Variants in ESYT2 observed in about 807,000 individuals in gnomAD.
The protein encoded by ESYT2 is extended synaptotagmin 2, also known as extended synaptotagmin-2.
ESYT2 carries 54 observed loss-of-function variants against 107.2 expected under a neutral mutation model. The ratio of observed to expected loss-of-function variants is 0.50; its 90% CI spans 0.40 to 0.63. The LOEUF (loss-of-function observed/expected upper bound fraction) is 0.63. ESYT2 is among the 30% of genes least tolerant of loss of function. ESYT2 has a pLI of 0.00. For synonymous variants in ESYT2, 491 were observed against 434.1 expected, an observed-to-expected ratio of 1.13 and a Z score of -1.63; for missense variants, 1,020 against 1,094.5, an observed-to-expected ratio of 0.93 and a Z score of 0.96.
chr7:158,774,318 A>T (rs1838475246), intron 6 of ESYT2, among the ~76,000 whole-genome samples: 1 of 152,254 alleles, frequency 6.6e-6, no homozygotes, highest in Non-Finnish European at 1.5e-5. Context: ...AACAATTTTT[A>T]AGATCCTGAA....
chr7:158,781,203 GAAC>G (rs1838779861), intron 6 of ESYT2, among the ~76,000 whole-genome samples: 1 of 152,106 alleles, frequency 6.6e-6, no homozygotes, highest in Admixed American at 6.5e-5. Flanking sequence ...AAGTATGAGT[GAAC>G]AAGTGTGAGA....
At chr7:158,782,964 C>A (rs989306516) in intron 6 of ESYT2, among the ~76,000 whole-genome samples, 1 of 152,190 alleles carries the variant, frequency 6.6e-6, no homozygotes, top group South Asian at 2.1e-4. Flanking sequence ...ACCAGCAGGG[C>A]CCGATAAAGG....
At chr7:158,749,426 T>C (rs1227122831) in intron 15 of ESYT2, among the ~76,000 whole-genome samples, 1 of 152,120 alleles carries the variant, frequency 6.6e-6, no homozygotes, top group Non-Finnish European at 1.5e-5. Flanking sequence ...GCCACTGAAG[T>C]CATTTTAAAA....
intron 20 of ESYT2, 55 bp from the exon 21 acceptor site, chr7:158,735,663 T>C (rs1464822154): frequency 3.4e-6 from 5 of 1,466,950 alleles, no homozygotes; most frequent in Non-Finnish European, 4.8e-6. Context: ...TATTTTCTTA[T>C]AACTAAAAAT....
chr7:158,821,881 T>G (rs1443496856), intron 1 of ESYT2, among the ~76,000 whole-genome samples: 1 of 150,660 alleles, frequency 6.6e-6, no homozygotes, highest in East Asian at 1.9e-4. Context: ...TCAATAAGAG[T>G]AGAATCTCTT....
chr7:158,769,263 G>A (rs1229368313), intron 7 of ESYT2, among the ~76,000 whole-genome samples: 1 of 152,218 alleles, frequency 6.6e-6, no homozygotes, highest in Non-Finnish European at 1.5e-5. Flanking sequence ...GAACAGGTCA[G>A]TTATTCAGAC....
In ESYT2 at chr7:158,765,840, C is replaced by T. The variant is rs184416096; in HGVS notation, c.925-987G>A. The stretch of plus-strand genomic sequence containing the variant: ...AAATTCACTCTTATTTCTTCCAAGG[C>T]AAACAAAGATGCTCAAGTCACCTTT... On this transcript the variant is annotated intron_variant, in intron 8 of 22. Coordinates refer to ENST00000275418, the MANE Select transcript of ESYT2 (RefSeq NM_001367773.1). 3.0e-3 allele frequency among the ~76,000 whole-genome samples: 457 copies of T among 152,134 alleles called. 6 individuals are homozygous for T. Among genetic ancestry groups the T allele is most frequent in the African/African-American group, 0.011 (436 of 41,514 alleles).
At chr7:158,748,497 T>C (rs1003231581) in intron 15 of ESYT2, among the ~76,000 whole-genome samples, 5 of 152,166 alleles carry the variant, frequency 3.3e-5, no homozygotes, top group African/African-American at 1.2e-4. Context: ...AACGAGACGG[T>C]CTAAAGCCTT....
chr7:158,828,934 C>T lies in ESYT2; in HGVS notation c.330+155G>A, dbSNP rs1169082781. Among the ~76,000 whole-genome samples the T allele has an allele frequency of 5.0e-5, 5 of 99,150 alleles. No homozygotes were observed. In the Admixed American group the frequency reaches 6.0e-4, roughly 12 times the overall value. 65.0% of individuals were successfully genotyped at this position (99,150 alleles called of 152,430 possible). A position where few individuals can be genotyped will look rare whatever the true frequency, so the allele number is the denominator to read the frequency against. ...GCGGAAGGGAAGCGCCTGCCTGGAC[C>T]GGGGTGGGTGGGGGACTACGAAGGC... On this transcript the variant is annotated intron_variant, in intron 1 of 22. Transcript: ENST00000275418.
chr7:158,738,184 C>T (rs188536417), intron 19 of ESYT2, among the ~76,000 whole-genome samples: 25 of 152,020 alleles, frequency 1.6e-4, no homozygotes, highest in Admixed American at 1.4e-3. Context: ...AGGTAGTGCA[C>T]GCCTGTAATC....
chr7:158,820,206 A>G (rs866984268), intron 1 of ESYT2, among the ~76,000 whole-genome samples: 4 of 152,318 alleles, frequency 2.6e-5, no homozygotes, highest in African/African-American at 7.2e-5. Flanking sequence ...TATTTTTACT[A>G]AAAGAATGGG....
chr7:158,800,711 CTTTTTCT>C lies in ESYT2; in HGVS notation c.331-1646_331-1640del, dbSNP rs1450076319. ...AGTCCACTTTTTTTTAAATAGGTTTCTTTTTCTTTTTTCTTTTCTTTTCTTTTTTTTT... is the reference window on the plus strand; with the variant it reads ...AGTCCACTTTTTTTTAAATAGGTTTCTTTTTCTTTTCTTTTCTTTTTTTTT... On this transcript the variant is annotated intron_variant, in intron 1 of 22. Transcript: ENST00000275418. Among the ~76,000 whole-genome samples, 49 of 150,372 alleles carry C rather than the reference CTTTTTCT, an allele frequency of 3.3e-4. No homozygotes were observed. In the East Asian group the frequency reaches 7.7e-3, roughly 24 times the overall value.
chr7:158,741,766 C>G lies in ESYT2; in HGVS notation c.1925G>C (p.Gly642Ala), dbSNP rs1201705047. Residue 642 changes from glycine to alanine, a missense_variant, in exon 18 of 23, where the codon GGT (glycine) becomes GCT (alanine). Physicochemically the swap from Gly to Ala is moderately conservative, Grantham distance 60 (BLOSUM62 0). Coordinates refer to ENST00000275418, the MANE Select transcript of ESYT2 (RefSeq NM_001367773.1). ...KSHMSGSPGP[G>A]GSNTAPSTPV... Reference sequence around the variant, plus strand: ...TGTGGATGGAGCTGTGTTGCTGCCACCAGGGCCTGGAGACCCAGACATATG... The same window carrying G: ...TGTGGATGGAGCTGTGTTGCTGCCAGCAGGGCCTGGAGACCCAGACATATG... 6.2e-7 allele frequency: 1 copy of G among 1,614,024 alleles called. No individual in the cohort carries two copies. Among genetic ancestry groups the G allele is most frequent in the Non-Finnish European group, 8.5e-7 (1 of 1,180,008 alleles).
chr7:158,734,438 T>C lies in ESYT2; in HGVS notation c.2539A>G (p.Lys847Glu). 2 of 1,613,972 alleles carry C rather than the reference T, an allele frequency of 1.2e-6. No homozygotes were observed. The highest frequency in any genetic ancestry group is 1.7e-6 in the Non-Finnish European group (2 of 1,179,930). The change falls in exon 22 of 23, where the codon AAA (lysine) becomes GAA (glutamate). Residue 847 changes from lysine (K) to glutamate (E), a missense_variant. Transcript: ENST00000275418. ...LVALASEELAKGWTQWYDLTE... is the reference protein window; with the variant it reads ...LVALASEELAEGWTQWYDLTE... ...GACACTCACCACTGGGTCCAGCCTT[T>C]GGCAAGTTCTTCAGATGCCAGAGCA... is the stretch of plus-strand genomic sequence containing the variant.
At chr7:158,778,683 C>T (rs1838655915) in intron 6 of ESYT2, among the ~76,000 whole-genome samples, 1 of 152,206 alleles carries the variant, frequency 6.6e-6, no homozygotes, top group Non-Finnish European at 1.5e-5. Context: ...CTCCAGCTAA[C>T]TGACTCATCA....
rs569284326 is a variant in ESYT2 at position 158,822,374 on chromosome 7, T to A, written c.330+6715A>T. 2.7e-4 allele frequency among the ~76,000 whole-genome samples: 41 copies of A among 152,276 alleles called. 1 individual carries two copies. The South Asian group carries it at 4.4e-3, about 16-fold the overall frequency. On this transcript the variant is annotated intron_variant, in intron 1 of 22. Transcript: ENST00000275418. Reference sequence around the variant, plus strand: ...TGGAATAACTCACGGAAAAACAGATTTCGGTTTTTTATATTTTTGAAGCAT... The same window carrying A: ...TGGAATAACTCACGGAAAAACAGATATCGGTTTTTTATATTTTTGAAGCAT...
intron 1 of ESYT2, among the ~76,000 whole-genome samples, chr7:158,813,919 TGTTTAAAAA>T (rs1317580143): frequency 1.4e-5 from 2 of 144,432 alleles, no homozygotes; most frequent in Non-Finnish European, 3.0e-5. Context: ...AGATCAAAAA[TGTTTAAAAA>T]ATATACGTTC....
rs754520160 is a variant in ESYT2, at chr7:158,752,823, G to C, written c.1440C>G (p.Asn480Lys). Residue 480 changes from asparagine (N) to lysine (K), a missense_variant, in exon 14 of 23, where the codon AAC becomes AAG. Physicochemically the swap from Asn to Lys is moderately conservative, Grantham distance 94. Coordinates refer to ENST00000275418, the MANE Select transcript of ESYT2 (RefSeq NM_001367773.1). Reference sequence around the variant, plus strand: ...CTGCAGTCTTCTTCAAGACATCGGGGTTAAATTCTAATGGGTTACTCTTTC... The same window carrying C: ...CTGCAGTCTTCTTCAAGACATCGGGCTTAAATTCTAATGGGTTACTCTTTC... ...RNLPSNPLEFNPDVLKKTAVQ... is the reference protein window; with the variant it reads ...RNLPSNPLEFKPDVLKKTAVQ... 1.5e-6 allele frequency: 2 copies of C among 1,303,952 alleles called. No individual in the cohort carries two copies. Among genetic ancestry groups the C allele is most frequent in the African/African-American group, 3.0e-5 (2 of 65,852 alleles). The allele number at this position is 1,303,952 out of a possible 1,614,324, so 80.8% of individuals were successfully genotyped here. A position where few individuals can be genotyped will look rare whatever the true frequency, so the allele number is the denominator to read the frequency against.
chr7:158,804,694 T>C (rs1839772176), intron 1 of ESYT2, among the ~76,000 whole-genome samples: 1 of 148,342 alleles, frequency 6.7e-6, no homozygotes, highest in Non-Finnish European at 1.5e-5. Flanking sequence ...TTGACAAGGG[T>C]GAGGCGCGTG....
Sources: allele counts gnomAD v4.1 joint callset (sites outside exome capture counted in the v4.1 genomes callset), GRCh38; gene constraint gnomAD v4.1.1; transcripts MANE v1.5; gene names NCBI Gene and HGNC (gene_info 2026-07-23, HGNC 2026-07-21).